Variants in PCDH9 observed in about 807,000 individuals in gnomAD.
The protein encoded by PCDH9 is protocadherin 9, also known as protocadherin-9.
In PCDH9, 24 loss-of-function variants were observed where a neutral mutation model predicts 70.6. The ratio of observed to expected loss-of-function variants is 0.34; its 90% CI spans 0.25 to 0.48. PCDH9 has a LOEUF of 0.48. Among genes scored for constraint, PCDH9 ranks in the 20% least tolerant of loss-of-function variants. The pLI, the probability that PCDH9 is intolerant of heterozygous loss-of-function variation, is 0.99. For missense variants in PCDH9, 1,281 were observed against 1,503.6 expected, an observed-to-expected ratio of 0.85 and a Z score of 2.45; for synonymous variants, 562 against 558.5, an observed-to-expected ratio of 1.01 and a Z score of -0.09.
intron 2 of PCDH9, among the ~76,000 whole-genome samples, chr13:66,969,624 CA>C (rs1398501270): frequency 6.6e-6 from 1 of 151,864 alleles, no homozygotes; most frequent in African/African-American, 2.4e-5. Flanking sequence ...CCATTTTTTT[CA>C]ATAACAAGCA....
At chr13:66,498,536 T>C (rs2138552985) in intron 4 of PCDH9, among the ~76,000 whole-genome samples, 1 of 152,208 alleles carries the variant, frequency 6.6e-6, no homozygotes, top group South Asian at 2.1e-4. Flanking sequence ...ACTTCCTCAA[T>C]ATCCCTGTGA....
At chr13:67,060,178 GTGTC>G (rs1033441682) in intron 2 of PCDH9, among the ~76,000 whole-genome samples, 5 of 152,188 alleles carry the variant, frequency 3.3e-5, no homozygotes, top group Admixed American at 3.3e-4. Context: ...GGTAGATAAA[GTGTC>G]TGAGCCCGGC....
chr13:66,985,342 T>A (rs548812836), intron 2 of PCDH9, among the ~76,000 whole-genome samples: 1 of 152,246 alleles, frequency 6.6e-6, no homozygotes, highest in African/African-American at 2.4e-5. Context: ...ATTATTAAAA[T>A]ATTAATTTAA....
intron 4 of PCDH9, among the ~76,000 whole-genome samples, chr13:66,547,521 C>T (rs1473146438): frequency 6.6e-6 from 1 of 152,126 alleles, no homozygotes; most frequent in East Asian, 1.9e-4. Context: ...TTCTGCACTA[C>T]TTCCAGTATT....
chr13:66,854,304 G>C (rs1246724640), intron 3 of PCDH9, among the ~76,000 whole-genome samples: 4 of 152,054 alleles, frequency 2.6e-5, no homozygotes, highest in African/African-American at 9.7e-5. Flanking sequence ...TAAAGTCCCT[G>C]ACCTGACATT....
intron 2 of PCDH9, among the ~76,000 whole-genome samples, chr13:67,012,833 C>T (rs2084478340): frequency 6.6e-6 from 1 of 151,932 alleles, no homozygotes; most frequent in Non-Finnish European, 1.5e-5. Context: ...CGAAGTGTTA[C>T]TATATTATAA....
intron 4 of PCDH9, among the ~76,000 whole-genome samples, chr13:66,345,817 G>C (rs1236608642): frequency 6.6e-6 from 1 of 152,068 alleles, no homozygotes; most frequent in Non-Finnish European, 1.5e-5. Flanking sequence ...CATGTCATCA[G>C]GATAAAGCAG....
chr13:66,308,033 T>C (rs1955497652), intron 4 of PCDH9, among the ~76,000 whole-genome samples: 1 of 152,102 alleles, frequency 6.6e-6, no homozygotes, highest in Non-Finnish European at 1.5e-5. Flanking sequence ...ATGTCAACAC[T>C]ATCCTCATGA....
At chr13:66,513,965 T>C (rs989169923) in intron 4 of PCDH9, among the ~76,000 whole-genome samples, 2 of 152,170 alleles carry the variant, frequency 1.3e-5, no homozygotes, top group Admixed American at 6.6e-5. Context: ...AAAAGGAGAT[T>C]TGACATGGCA....
intron 4 of PCDH9, among the ~76,000 whole-genome samples, chr13:66,370,431 C>A (rs1305822566): frequency 6.6e-6 from 1 of 151,804 alleles, no homozygotes; most frequent in African/African-American, 2.4e-5. Context: ...TCCCTCATTA[C>A]AATAAATTGG....
At chr13:66,691,446 C>CATCTAATAAAT in intron 3 of PCDH9, among the ~76,000 whole-genome samples, 1 of 152,042 alleles carries the variant, frequency 6.6e-6, no homozygotes, top group Non-Finnish European at 1.5e-5. Flanking sequence ...TGCTAATAAA[C>CATCTAATAAAT]AACATCTAGT....
At chr13:66,878,557 T>C (rs2081863573) in intron 3 of PCDH9, among the ~76,000 whole-genome samples, 1 of 152,120 alleles carries the variant, frequency 6.6e-6, no homozygotes, top group Non-Finnish European at 1.5e-5. Context: ...GAAAAAATCT[T>C]GTATTTGGGC....
intron 3 of PCDH9, among the ~76,000 whole-genome samples, chr13:66,819,505 A>G (rs1297739892): frequency 6.6e-6 from 1 of 152,176 alleles, no homozygotes; most frequent in Admixed American, 6.5e-5. Context: ...ATTATTGGAA[A>G]TGATTCAATG....
intron 3 of PCDH9, among the ~76,000 whole-genome samples, chr13:66,821,677 C>T (rs989237445): frequency 1.3e-5 from 2 of 152,026 alleles, no homozygotes; most frequent in African/African-American, 4.8e-5. Flanking sequence ...AATTCTGTGT[C>T]CAGAATCCCC....
At chr13:66,490,653 AAG>A (rs949878932) in intron 4 of PCDH9, among the ~76,000 whole-genome samples, 16 of 152,150 alleles carry the variant, frequency 1.1e-4, no homozygotes, top group African/African-American at 3.4e-4. Flanking sequence ...GTGGTGGTCT[AAG>A]AGAGTGTTTT....
intron 4 of PCDH9, among the ~76,000 whole-genome samples, chr13:66,312,020 A>G (rs1955569828): frequency 1.3e-5 from 2 of 152,212 alleles, no homozygotes; most frequent in African/African-American, 4.8e-5. Flanking sequence ...ATTGTATAGA[A>G]TATCTAAAAT....
chr13:66,336,489 A>T (rs187608242), intron 4 of PCDH9, among the ~76,000 whole-genome samples: 3 of 152,094 alleles, frequency 2.0e-5, no homozygotes, highest in Non-Finnish European at 4.4e-5. Flanking sequence ...TGGAATTAAA[A>T]GTTTATTATA....
chr13:66,908,132 C>A (rs1426243095), intron 2 of PCDH9, among the ~76,000 whole-genome samples: 1 of 152,186 alleles, frequency 6.6e-6, no homozygotes, highest in Non-Finnish European at 1.5e-5. Context: ...CTTTAGAGAT[C>A]CACATGTATT....
At position 66,843,373 on chromosome 13, in the gene PCDH9, C is replaced by T. The variant is rs73212024; in HGVS notation, c.3138+60131G>A. On this transcript the variant is annotated intron_variant, in intron 3 of 4. Transcript: ENST00000377865. Reference sequence around the variant, plus strand: ...ACATACATACACACACACACACACACATATACATGCAATTACACACACGTT... The same window carrying T: ...ACATACATACACACACACACACACATATATACATGCAATTACACACACGTT... Among the ~76,000 whole-genome samples the T allele has an allele frequency of 3.7e-3, 503 of 134,420 alleles. 6 individuals are homozygous for T. Among genetic ancestry groups the T allele is most frequent in the African/African-American group, 0.013 (477 of 37,128 alleles). The allele number at this position is 134,420 out of a possible 152,430, so 88.2% of individuals were successfully genotyped here.
Sources: allele counts gnomAD v4.1 joint callset (sites outside exome capture counted in the v4.1 genomes callset), GRCh38; gene constraint gnomAD v4.1.1; transcripts MANE v1.5; gene names NCBI Gene and HGNC (gene_info 2026-07-23, HGNC 2026-07-21).